The following PIKFYVE variants were observed in gnomAD, a reference collection of about 807,000 sequenced individuals.
PIKFYVE encodes the protein phosphoinositide kinase, FYVE-type zinc finger containing, also known as 1-phosphatidylinositol 3-phosphate 5-kinase.
PIKFYVE carries 122 observed loss-of-function variants against 257.9 expected under a neutral mutation model. That is an observed-to-expected ratio of 0.47 (90% CI 0.41 to 0.55). The LOEUF (loss-of-function observed/expected upper bound fraction) is 0.55. Among genes scored for constraint, PIKFYVE ranks in the 20% least tolerant of loss-of-function variants. PIKFYVE has a pLI of 0.00. For missense variants in PIKFYVE, 2,160 were observed against 2,536.6 expected, an observed-to-expected ratio of 0.85 and a Z score of 3.19; for synonymous variants, 892 against 868.9, an observed-to-expected ratio of 1.03 and a Z score of -0.47.
intron 35 of PIKFYVE, among the ~76,000 whole-genome samples, chr2:208,348,934 G>A (rs1574754077): frequency 2.0e-5 from 3 of 152,042 alleles, no homozygotes; most frequent in Admixed American, 2.0e-4. Flanking sequence ...AGGCTGAGGC[G>A]GGCGGATCAC....
In PIKFYVE at chr2:208,277,639, CTA is replaced by C. The variant is rs754322478; in HGVS notation, c.546_547del (p.Cys183TrpfsTer10). 1.2e-6 allele frequency: 2 copies of C among 1,613,762 alleles called. No individual in the cohort carries two copies. The highest frequency in any genetic ancestry group is 1.7e-6 in the Non-Finnish European group (2 of 1,179,838). On this transcript the variant is annotated frameshift_variant, in exon 5 of 42. Coordinates refer to ENST00000264380, the MANE Select transcript of PIKFYVE (RefSeq NM_015040.4). LOFTEE classifies it high-confidence loss of function. ...CTTTAGGCGCAGACACCATTGCCGACTATGTGGGCAGATTTTCTGCAGTCGTT... is the reference window on the plus strand; with the variant it reads ...CTTTAGGCGCAGACACCATTGCCGACTGTGGGCAGATTTTCTGCAGTCGTT... Reference protein sequence around the residue: ...TTFRRRHHCRLCGQIFCSRCC... With the variant: ...TTFRRRHHCRXCGQIFCSRCC...
intron 18 of PIKFYVE, among the ~76,000 whole-genome samples, chr2:208,324,542 G>A (rs185365761): frequency 6.6e-6 from 1 of 152,190 alleles, no homozygotes. Flanking sequence ...CTAGGTATTT[G>A]TTGATCCTTC....
Position 208,350,853 on chromosome 2 carries a change from C to G in PIKFYVE, c.5517C>G (p.Asp1839Glu). 1 of 1,614,134 alleles carries G rather than the reference C, an allele frequency of 6.2e-7. No homozygotes were observed. The highest frequency in any genetic ancestry group is 8.5e-7 in the Non-Finnish European group (1 of 1,180,020). ...EFHKMREVIL[D>E]SSEEDFIRSL... ...ATAAGATGCGTGAAGTGATTCTGGA[C>G]AGCAGTGAAGAAGATTTCATTCGTT... The change falls in exon 37 of 42, where the codon GAC becomes GAG. Residue 1839 changes from aspartate to glutamate, a missense_variant. Asp to Glu is a conservative substitution (Grantham distance 45). Coordinates refer to ENST00000264380, the MANE Select transcript of PIKFYVE (RefSeq NM_015040.4).
Position 208,358,380 on chromosome 2 carries a change from G to C in PIKFYVE, c.*3075G>C, listed in dbSNP as rs1039723765. The C allele has an allele frequency of 7.7e-6, 1 of 129,736 alleles. No individual in the cohort carries two copies. Among genetic ancestry groups the C allele is most frequent in the Admixed American group, 9.2e-5 (1 of 10,886 alleles). 8.0% of individuals were successfully genotyped at this position (129,736 alleles called of 1,614,324 possible). ...ACTTATGCAGTATTCAAACCATCTA[G>C]TGCAATGTTTTTGTTTTTGTTTTTT... On this transcript the variant is annotated 3_prime_UTR_variant, in exon 42 of 42. Transcript: ENST00000264380.
In PIKFYVE at chr2:208,304,200, C is replaced by T. The variant is rs766028723; in HGVS notation, c.1350C>T (p.Pro450=). Residue 450 remains proline, a synonymous_variant, in exon 11 of 42, where the codon CCC becomes CCT. Coordinates refer to ENST00000264380, the MANE Select transcript of PIKFYVE (RefSeq NM_015040.4). ...CAGAATTTTCTGAGACGCCTTCTCC[C>T]GACAGTGACTCAGTGAACTCCGTGG... ...QSTEFSETPS[P]DSDSVNSVEG... 185 of 1,613,976 alleles carry T rather than the reference C, an allele frequency of 1.1e-4. No homozygotes were observed. The highest frequency in any genetic ancestry group is 1.5e-4 in the Non-Finnish European group (175 of 1,180,010).
At chr2:208,299,102 G>C (rs1693359724) in intron 8 of PIKFYVE, among the ~76,000 whole-genome samples, 1 of 152,056 alleles carries the variant, frequency 6.6e-6, no homozygotes, top group African/African-American at 2.4e-5. Flanking sequence ...GGCTCCCAGA[G>C]TGCTGGGATT....
chr2:208,295,329 A>G (rs1559073076), intron 7 of PIKFYVE, among the ~76,000 whole-genome samples: 3 of 152,224 alleles, frequency 2.0e-5, no homozygotes, highest in African/African-American at 2.4e-5. Flanking sequence ...GTTCTCTTAC[A>G]TAACAAATTT....
At chr2:208,268,809 A>G (rs567422108) in intron 1 of PIKFYVE, among the ~76,000 whole-genome samples, 1 of 150,002 alleles carries the variant, frequency 6.7e-6, no homozygotes, top group South Asian at 2.1e-4. Flanking sequence ...CCCAATAAAC[A>G]TGTATTGCCA....
At chr2:208,298,610 C>G (rs1259939010) in intron 7 of PIKFYVE, 31 bp from the exon 8 acceptor site, 1 of 1,612,708 alleles carries the variant, frequency 6.2e-7, no homozygotes, top group Admixed American at 1.7e-5. Context: ...GAATTTACAC[C>G]TGTGATTTCA....
chr2:208,346,840 G>A (rs982875387), intron 34 of PIKFYVE, among the ~76,000 whole-genome samples: 5 of 152,122 alleles, frequency 3.3e-5, no homozygotes, highest in Non-Finnish European at 7.3e-5. Flanking sequence ...ATTCCTTTAC[G>A]TTTTCCTCAT....
At chr2:208,341,881 GAGATTATATTTATTTA>G (rs1390755861) in intron 31 of PIKFYVE, among the ~76,000 whole-genome samples, 1 of 152,014 alleles carries the variant, frequency 6.6e-6, no homozygotes, top group Non-Finnish European at 1.5e-5. Context: ...ACTTACCACA[GAGATTATATTTATTTA>G]TTTATTGGAT....
chr2:208,271,186 G>T (rs142105479), intron 1 of PIKFYVE, among the ~76,000 whole-genome samples: 120 of 152,206 alleles, frequency 7.9e-4, no homozygotes, highest in African/African-American at 2.8e-3. Context: ...GAAATGATGT[G>T]AAAATGCTTA....
intron 1 of PIKFYVE, 126 bp from the exon 2 acceptor site, chr2:208,271,385 T>C: frequency 1.1e-6 from 1 of 886,538 alleles, no homozygotes; most frequent in Non-Finnish European, 1.9e-6. Context: ...TAGATTTATT[T>C]ACTGTTTGTT....
At position 208,271,652 on chromosome 2, in the gene PIKFYVE, G is replaced by C; in HGVS notation, c.133G>C (p.Ala45Pro). The C allele has an allele frequency of 6.2e-7, 1 of 1,613,860 alleles. No homozygotes were observed. The highest frequency in any genetic ancestry group is 8.5e-7 in the Non-Finnish European group (1 of 1,179,866). The change falls in exon 2 of 42, where the codon GCT (alanine) becomes CCT (proline). Residue 45 changes from alanine to proline, a missense_variant. Physicochemically the swap from Ala to Pro is conservative, Grantham distance 27 (BLOSUM62 -1). This residue lies in a region of PIKFYVE where 172 missense variants were observed against 180.6 expected (regional missense o/e 0.95). Coordinates refer to ENST00000264380, the MANE Select transcript of PIKFYVE (RefSeq NM_015040.4). ...TCAAGATGAGCCCCCTTTTAAATCA[G>C]CTTATAGTTCTTTTGTAAATCTCTT... ...PDQDEPPFKS[A>P]YSSFVNLFRF...
At chr2:208,302,101 G>A (rs1419068896) in intron 9 of PIKFYVE, 141 bp from the exon 10 acceptor site, 18 of 717,756 alleles carry the variant, frequency 2.5e-5, no homozygotes, top group South Asian at 1.6e-4. Context: ...CTCTCGTTTC[G>A]TCCTTTACTT....
intron 12 of PIKFYVE, among the ~76,000 whole-genome samples, chr2:208,310,961 C>T (rs1310220814): frequency 6.6e-6 from 1 of 151,962 alleles, no homozygotes; most frequent in Non-Finnish European, 1.5e-5. Flanking sequence ...AGAAGAATAC[C>T]TTTATTTTTA....
chr2:208,320,164 T>G (rs1696044529), intron 16 of PIKFYVE, 88 bp from the exon 17 acceptor site: 2 of 1,488,716 alleles, frequency 1.3e-6, no homozygotes, highest in Non-Finnish European at 1.8e-6. Flanking sequence ...GTAGGAATTA[T>G]GAACAATATA....
At chr2:208,323,091 A>C (rs1359637125) in intron 17 of PIKFYVE, among the ~76,000 whole-genome samples, 1 of 148,174 alleles carries the variant, frequency 6.7e-6, no homozygotes, top group Non-Finnish European at 1.5e-5. Context: ...TTTTATTTTT[A>C]TTTTATTTTT....
rs13430053 is a variant in PIKFYVE, at chr2:208,343,138, A to G, written c.5027+489A>G. ...TAAAAATCTTCTCTGAACCCAAATA[A>G]TGAAGTATAGGATGATTCCTAAGTA... On this transcript the variant is annotated intron_variant, in intron 32 of 41. Coordinates refer to ENST00000264380, the MANE Select transcript of PIKFYVE (RefSeq NM_015040.4). Among the ~76,000 whole-genome samples, 1,480 of 152,240 alleles carry G rather than the reference A, an allele frequency of 9.7e-3. 31 individuals carry two copies. The highest frequency in any genetic ancestry group is 0.034 in the African/African-American group (1,423 of 41,536).
Sources: allele counts gnomAD v4.1 joint callset (sites outside exome capture counted in the v4.1 genomes callset), GRCh38; gene constraint gnomAD v4.1.1; regional missense constraint gnomAD v4.1.1; transcripts MANE v1.5; gene names NCBI Gene and HGNC (gene_info 2026-07-23, HGNC 2026-07-21).